Variants in PRICKLE2 observed in about 807,000 individuals in gnomAD.
The protein encoded by PRICKLE2 is prickle planar cell polarity protein 2.
A neutral mutation model predicts 81.4 loss-of-function variants in PRICKLE2; 21 were observed. The observed-to-expected ratio is 0.26, with a 90% CI of 0.18 to 0.37. The LOEUF (loss-of-function observed/expected upper bound fraction) is 0.37. Among genes scored for constraint, PRICKLE2 ranks in the 10% least tolerant of loss-of-function variants. PRICKLE2 has a pLI of 1.00. For missense variants in PRICKLE2, 940 were observed against 1,109.0 expected (o/e 0.85, Z 2.16); for synonymous variants, 456 against 421.5 (o/e 1.08, Z -1.00).
intron 2 of PRICKLE2, among the ~76,000 whole-genome samples, chr3:64,259,904 T>C (rs753483042): frequency 6.6e-6 from 1 of 152,198 alleles, no homozygotes; most frequent in Non-Finnish European, 1.5e-5. Flanking sequence ...AATAAATTTC[T>C]GTGGTTTTAA....
chr3:64,238,294 C>T (rs2107168180), intron 2 of PRICKLE2, among the ~76,000 whole-genome samples: 1 of 152,074 alleles, frequency 6.6e-6, no homozygotes, highest in Non-Finnish European at 1.5e-5. Context: ...TTGAGACCAG[C>T]CTGGACAACA....
chr3:64,156,038 A>G (rs2077630753), intron 5 of PRICKLE2, among the ~76,000 whole-genome samples: 1 of 152,218 alleles, frequency 6.6e-6, no homozygotes, highest in African/African-American at 2.4e-5. Flanking sequence ...TCAATAAACA[A>G]ATTTCAAAGT....
At chr3:64,264,674 A>G (rs1350136466) in intron 2 of PRICKLE2, among the ~76,000 whole-genome samples, 1 of 152,250 alleles carries the variant, frequency 6.6e-6, no homozygotes, top group Non-Finnish European at 1.5e-5. Context: ...AATATAAAAC[A>G]AAACCAGTGA....
intron 2 of PRICKLE2, among the ~76,000 whole-genome samples, chr3:64,187,139 G>A (rs780331934): frequency 6.6e-6 from 1 of 152,218 alleles, no homozygotes; most frequent in Non-Finnish European, 1.5e-5. Flanking sequence ...ATCTGGCCGT[G>A]TTGCTGCTGA....
intron 5 of PRICKLE2, 131 bp from the exon 6 acceptor site, chr3:64,153,499 A>C: frequency 1.3e-6 from 1 of 784,724 alleles, no homozygotes; most frequent in Non-Finnish European, 2.1e-6. Context: ...TTAAACAAAA[A>C]TCCATATGGA....
At chr3:64,195,159 G>C (rs1475896804) in intron 2 of PRICKLE2, among the ~76,000 whole-genome samples, 2 of 152,160 alleles carry the variant, frequency 1.3e-5, no homozygotes, top group African/African-American at 4.8e-5. Context: ...AGAGGCAAAG[G>C]ATCTGAACAA....
intron 7 of PRICKLE2, among the ~76,000 whole-genome samples, chr3:64,136,758 G>C (rs1013404010): frequency 2.6e-5 from 4 of 152,046 alleles, no homozygotes; most frequent in African/African-American, 9.7e-5. Flanking sequence ...AGGTAGGAAG[G>C]TCAAGGTAGG....
chr3:64,219,086 A>C (rs1309226020), intron 1 of PRICKLE2, among the ~76,000 whole-genome samples: 1 of 152,142 alleles, frequency 6.6e-6, no homozygotes, highest in Non-Finnish European at 1.5e-5. Context: ...GGGGGCTACC[A>C]CTTCTCATAT....
intron 7 of PRICKLE2, among the ~76,000 whole-genome samples, chr3:64,126,021 G>C (rs1328257691): frequency 1.3e-5 from 2 of 152,088 alleles, no homozygotes; most frequent in African/African-American, 4.8e-5. Context: ...CAAAGGAATA[G>C]TCAATGGGGG....
At chr3:64,265,112 G>A (rs2079679745) in intron 2 of PRICKLE2, among the ~76,000 whole-genome samples, 2 of 152,016 alleles carry the variant, frequency 1.3e-5, no homozygotes, top group Admixed American at 6.5e-5. Flanking sequence ...GTCACACAGA[G>A]GAGCAGGATA....
Position 64,099,381 on chromosome 3 carries a change from G to A in PRICKLE2, c.2205C>T (p.Ser735=), listed in dbSNP as rs1262745543. The A allele has an allele frequency of 2.5e-6, 4 of 1,608,898 alleles. No individual in the cohort carries two copies. The highest frequency in any genetic ancestry group is 3.4e-6 in the Non-Finnish European group (4 of 1,176,146). ...QFMRQRSFQE[S]MGHGSRRDLY... is the part of the protein sequence containing the mutation. Reference sequence around the variant, plus strand: ...GGTCCCTCCGGGACCCATGCCCCATGCTCTCCTGGAAGCTCCGCTGGCGCA... The same window carrying A: ...GGTCCCTCCGGGACCCATGCCCCATACTCTCCTGGAAGCTCCGCTGGCGCA... The change falls in exon 8 of 8, where the codon AGC becomes AGT. Residue 735 remains serine (S), a synonymous_variant. Transcript: ENST00000638394. The surrounding 1 kb of genome is among the most constrained non-coding windows in gnomAD (Gnocchi z 4.3).
At chr3:64,138,984 T>C (rs1333903391) in intron 7 of PRICKLE2, among the ~76,000 whole-genome samples, 1 of 152,254 alleles carries the variant, frequency 6.6e-6, no homozygotes, top group Non-Finnish European at 1.5e-5. Flanking sequence ...AAATTAAATA[T>C]AGAAATGTTT....
intron 2 of PRICKLE2, among the ~76,000 whole-genome samples, chr3:64,178,503 T>A (rs1054057040): frequency 6.6e-6 from 1 of 152,340 alleles, no homozygotes; most frequent in East Asian, 1.9e-4. Context: ...GCAAGTCTCA[T>A]GGACATGCCT....
Position 64,092,515 on chromosome 3 carries a change from T to C in PRICKLE2, c.*6536A>G, listed in dbSNP as rs1411198958. The C allele has an allele frequency of 6.6e-6, 1 of 152,192 alleles. No individual in the cohort carries two copies. Among genetic ancestry groups the C allele is most frequent in the Non-Finnish European group, 1.5e-5 (1 of 68,034 alleles). The allele number at this position is 152,192 out of a possible 1,614,324, so 9.4% of individuals were successfully genotyped here. ...ATTTGTTGAATGAATGAATAGATGA[T>C]ATTATAGCATCCAGCAAGTCCCTAA... On this transcript the variant is annotated 3_prime_UTR_variant, in exon 8 of 8. Coordinates refer to ENST00000638394, the MANE Select transcript of PRICKLE2 (RefSeq NM_198859.4).
At chr3:64,119,542 A>G (rs2076993161) in intron 7 of PRICKLE2, among the ~76,000 whole-genome samples, 2 of 152,162 alleles carry the variant, frequency 1.3e-5, no homozygotes, top group Non-Finnish European at 2.9e-5. Flanking sequence ...GCTACTATTA[A>G]AAAGTCAAAA....
chr3:64,187,280 C>T (rs895791535), intron 2 of PRICKLE2, among the ~76,000 whole-genome samples: 8 of 152,198 alleles, frequency 5.3e-5, no homozygotes, highest in Non-Finnish European at 1.2e-4. Context: ...TTCCCATTGC[C>T]ATCTGATGAC....
At chr3:64,197,904 T>C (rs992335324) in intron 2 of PRICKLE2, among the ~76,000 whole-genome samples, 4 of 151,922 alleles carry the variant, frequency 2.6e-5, no homozygotes, top group African/African-American at 9.7e-5. Flanking sequence ...ACCTAAAGTT[T>C]CCAAGTTAAA....
Position 64,108,882 on chromosome 3 carries a change from G to A in PRICKLE2, c.1661-8957C>T, listed in dbSNP as rs149296361. On this transcript the variant is annotated intron_variant, in intron 7 of 7. Transcript: ENST00000638394. ...TTCTTTGTTTGGTGGGCTGTCCTGT[G>A]CACTTCAGGATGTTCAGCAGTATCT... Among the ~76,000 whole-genome samples the A allele has an allele frequency of 7.9e-4, 121 of 152,228 alleles. 2 individuals are homozygous for A. Among genetic ancestry groups the A allele is most frequent in the Middle Eastern group, 3.4e-3 (1 of 294 alleles).
intron 7 of PRICKLE2, among the ~76,000 whole-genome samples, chr3:64,135,298 T>C (rs915878154): frequency 6.6e-6 from 1 of 152,138 alleles, no homozygotes; most frequent in Admixed American, 6.5e-5. Flanking sequence ...CCTCCATTCC[T>C]TGTGCATGGG....
Sources: allele counts gnomAD v4.1 joint callset (sites outside exome capture counted in the v4.1 genomes callset), GRCh38; gene constraint gnomAD v4.1.1; non-coding constraint Gnocchi (gnomAD v3.1); transcripts MANE v1.5; gene names NCBI Gene and HGNC (gene_info 2026-07-23, HGNC 2026-07-21).